Variants in CPPED1 observed in about 807,000 individuals in gnomAD.
CPPED1 encodes calcineurin like phosphoesterase domain containing 1, also known as serine/threonine-protein phosphatase CPPED1.
In CPPED1, 28 loss-of-function variants were observed where a neutral mutation model predicts 28.0. That is an observed-to-expected ratio of 1.00 (90% CI 0.74 to 1.37). The LOEUF is 1.37. Ranked by LOEUF, CPPED1 falls within the 40% of genes most tolerant of loss-of-function variation. CPPED1 has a pLI of 0.00. For missense variants in CPPED1, 504 were observed against 416.5 expected, an observed-to-expected ratio of 1.21 and a Z score of -1.83; for synonymous variants, 198 against 180.2, an observed-to-expected ratio of 1.10 and a Z score of -0.79.
intron 2 of CPPED1, among the ~76,000 whole-genome samples, chr16:12,768,483 C>A (rs943859739): frequency 6.6e-6 from 1 of 152,138 alleles, no homozygotes; most frequent in African/African-American, 2.4e-5. Context: ...AGACTTCTGG[C>A]CTTTAATTAA....
intron 1 of CPPED1, among the ~76,000 whole-genome samples, chr16:12,801,872 C>T (rs749156688): frequency 4.6e-5 from 7 of 152,190 alleles, no homozygotes; most frequent in Admixed American, 2.0e-4. Flanking sequence ...GCCACTCCCA[C>T]GCCTCAAAGG....
At chr16:12,695,536 G>A (rs1429616688) in intron 3 of CPPED1, among the ~76,000 whole-genome samples, 2 of 152,174 alleles carry the variant, frequency 1.3e-5, no homozygotes, top group Non-Finnish European at 2.9e-5. Flanking sequence ...CTCCCATAGT[G>A]CTGGGATTAC....
At chr16:12,768,084 C>G (rs565564959) in intron 2 of CPPED1, among the ~76,000 whole-genome samples, 1 of 152,176 alleles carries the variant, frequency 6.6e-6, no homozygotes, top group African/African-American at 2.4e-5. Context: ...CTCTTAGATA[C>G]GGATAAGATG....
intron 2 of CPPED1, among the ~76,000 whole-genome samples, chr16:12,768,969 G>A (rs1156471270): frequency 2.0e-5 from 3 of 151,480 alleles, no homozygotes; most frequent in African/African-American, 4.9e-5. Context: ...GGGTTCAAGC[G>A]ATTCTCCTGC....
intron 2 of CPPED1, among the ~76,000 whole-genome samples, chr16:12,741,936 C>T (rs757602498): frequency 8.6e-5 from 13 of 151,954 alleles, no homozygotes; most frequent in African/African-American, 1.5e-4. Context: ...CTTCGTGGCA[C>T]ATGACTGTAA....
intron 2 of CPPED1, among the ~76,000 whole-genome samples, chr16:12,715,389 G>C (rs1006604266): frequency 6.6e-6 from 1 of 152,156 alleles, no homozygotes; most frequent in Admixed American, 6.6e-5. Context: ...GCTGGGTGTG[G>C]AGGCTCACGT....
At chr16:12,723,207 A>G (rs546875756) in intron 2 of CPPED1, among the ~76,000 whole-genome samples, 85 of 152,314 alleles carry the variant, frequency 5.6e-4, no homozygotes, top group African/African-American at 1.9e-3. Flanking sequence ...TTTGTCTTCT[A>G]TAGCCTCTTC....
intron 2 of CPPED1, among the ~76,000 whole-genome samples, chr16:12,730,211 T>A (rs1018121668): frequency 6.6e-6 from 1 of 152,150 alleles, no homozygotes; most frequent in Non-Finnish European, 1.5e-5. Flanking sequence ...TATGTTGCCC[T>A]GGCTAGTCTT....
chr16:12,692,427 A>G (rs2079968457), intron 3 of CPPED1, among the ~76,000 whole-genome samples: 1 of 152,176 alleles, frequency 6.6e-6, no homozygotes, highest in South Asian at 2.1e-4. Flanking sequence ...AACATTTTTC[A>G]ATAACCATGA....
At chr16:12,740,741 G>T (rs926331325) in intron 2 of CPPED1, among the ~76,000 whole-genome samples, 21 of 152,200 alleles carry the variant, frequency 1.4e-4, no homozygotes, top group Non-Finnish European at 3.1e-4. Context: ...GGGTGAAGGA[G>T]AGAATCCCTA....
intron 2 of CPPED1, among the ~76,000 whole-genome samples, chr16:12,744,823 A>C (rs763416667): frequency 5.9e-5 from 9 of 152,192 alleles, no homozygotes; most frequent in Non-Finnish European, 1.0e-4. Context: ...ATCTCCACAA[A>C]AAATACAAAA....
intron 2 of CPPED1, among the ~76,000 whole-genome samples, chr16:12,723,616 C>T (rs554883154): frequency 3.3e-5 from 5 of 152,166 alleles, no homozygotes; most frequent in Admixed American, 6.5e-5. Context: ...GCTTCCAGAA[C>T]GGTGAGAAAG....
At chr16:12,738,446 C>T (rs1393360083) in intron 2 of CPPED1, among the ~76,000 whole-genome samples, 1 of 152,004 alleles carries the variant, frequency 6.6e-6, no homozygotes, top group East Asian at 1.9e-4. Context: ...CTCGCGCACA[C>T]ACACACACCT....
At chr16:12,731,105 C>T (rs987666380) in intron 2 of CPPED1, among the ~76,000 whole-genome samples, 3 of 150,954 alleles carry the variant, frequency 2.0e-5, no homozygotes, top group East Asian at 1.9e-4. Context: ...CCCAGGAGTT[C>T]GAGACCAGCC....
At chr16:12,744,047 CG>C (rs2080270074) in intron 2 of CPPED1, among the ~76,000 whole-genome samples, 1 of 151,990 alleles carries the variant, frequency 6.6e-6, no homozygotes, top group Non-Finnish European at 1.5e-5. Flanking sequence ...GAGGCTGAGG[CG>C]GGTGGATCAC....
intron 3 of CPPED1, 140 bp from the exon 4 acceptor site, chr16:12,665,255 A>G: frequency 2.7e-6 from 2 of 738,400 alleles, no homozygotes; most frequent in Non-Finnish European, 4.0e-6. Flanking sequence ...TTAAATGTAT[A>G]ATATTATTCT....
chr16:12,774,743 T>A (rs2080487970), intron 2 of CPPED1, among the ~76,000 whole-genome samples: 1 of 152,188 alleles, frequency 6.6e-6, no homozygotes, highest in Non-Finnish European at 1.5e-5. Context: ...ATGAGTCCAT[T>A]CATGGATTAA....
intron 2 of CPPED1, chr16:12,761,274 C>CT (rs2080408123): frequency 1.2e-5 from 1 of 84,694 alleles, no homozygotes; most frequent in Admixed American, 1.4e-4. Flanking sequence ...CAGACTCTGT[C>CT]TCAAAAAAAA....
chr16:12,764,864 C>CA (rs1187182032), intron 2 of CPPED1, among the ~76,000 whole-genome samples: 1 of 152,152 alleles, frequency 6.6e-6, no homozygotes, highest in Non-Finnish European at 1.5e-5. Context: ...TAAGCAGGGG[C>CA]AAACACATAG....
Sources: allele counts gnomAD v4.1 joint callset (sites outside exome capture counted in the v4.1 genomes callset), GRCh38; gene constraint gnomAD v4.1.1; transcripts MANE v1.5; gene names NCBI Gene and HGNC (gene_info 2026-07-23, HGNC 2026-07-21).